TXK: variants seen among roughly 807,000 people sequenced by gnomAD.
The protein encoded by TXK is tyrosine-protein kinase TXK.
TXK carries 60 observed loss-of-function variants against 81.0 expected under a neutral mutation model. The observed-to-expected ratio is 0.74, with a 90% CI of 0.60 to 0.92. The LOEUF is 0.92. TXK is among the 40% of genes least tolerant of loss of function. The probability of loss-of-function intolerance (pLI) is 0.00; values close to 1 mark genes in which losing one functional copy is unlikely to be tolerated. For missense variants in TXK, 581 were observed against 638.3 expected (o/e 0.91, Z 0.97); for synonymous variants, 203 against 210.7 (o/e 0.96, Z 0.32).
rs1718376505 is a variant in TXK at position 48,104,531 on chromosome 4, T to TAA, written c.501+369_501+370insTT. Among the ~76,000 whole-genome samples, 18 of 8,482 alleles carry TAA rather than the reference T, an allele frequency of 2.1e-3. 6 individuals are homozygous for TAA. The highest frequency in any genetic ancestry group is 3.9e-3 in the Non-Finnish European group (14 of 3,594). The allele number at this position is 8,482 out of a possible 152,430, so 5.6% of individuals were successfully genotyped here. On this transcript the variant is annotated intron_variant, in intron 6 of 14. Coordinates refer to ENST00000264316, the MANE Select transcript of TXK (RefSeq NM_003328.3). ...TATATATAATATATAATATTATATA[T>TAA]TATATATATTTTATATATATAATAT... is the stretch of plus-strand genomic sequence containing the variant.
intron 11 of TXK, among the ~76,000 whole-genome samples, chr4:48,076,952 G>A (rs1286674382): frequency 1.3e-5 from 2 of 152,116 alleles, no homozygotes; most frequent in Non-Finnish European, 2.9e-5. Flanking sequence ...AATTCAATCT[G>A]AAAGATGATA....
At chr4:48,080,332 C>T (rs959702968) in intron 10 of TXK, among the ~76,000 whole-genome samples, 25 of 152,272 alleles carry the variant, frequency 1.6e-4, no homozygotes, top group Middle Eastern at 3.4e-3. Context: ...GTGGTAATGC[C>T]AGAGGCAGAG....
Position 48,073,949 on chromosome 4 carries a change from T to A in TXK, c.1343A>T (p.Asp448Val). 1 of 1,603,906 alleles carries A rather than the reference T, an allele frequency of 6.2e-7. No individual in the cohort carries two copies. The highest frequency in any genetic ancestry group is 8.5e-7 in the Non-Finnish European group (1 of 1,172,014). Residue 448 changes from aspartate (D) to valine (V), a missense_variant, in exon 13 of 15, where the codon GAT becomes GTT. Transcript: ENST00000264316. ...FLFNKYSSKS[D>V]VWSFGVLMWE... Reference sequence around the variant, plus strand: ...GATGCACTCACCAAATGACCAGACATCAGATTTACTGCTGTACTTATTGAA... The same window carrying A: ...GATGCACTCACCAAATGACCAGACAACAGATTTACTGCTGTACTTATTGAA...
chr4:48,128,593 T>C (rs1577683859), intron 1 of TXK, among the ~76,000 whole-genome samples: 1 of 116,484 alleles, frequency 8.6e-6, no homozygotes, highest in South Asian at 2.9e-4. Context: ...TGAGATGGAG[T>C]CTCACTCTGT....
rs76492103 is a variant in TXK at position 48,119,519 on chromosome 4, C to G, written c.17-5117G>C. Among the ~76,000 whole-genome samples, 30 of 152,254 alleles carry G rather than the reference C, an allele frequency of 2.0e-4. No individual in the cohort carries two copies. The East Asian group carries it at 4.1e-3, about 21-fold the overall frequency. ...ACCCACTGCTGTTTCATTGCTCCCC[C>G]CGATTTCTCTCTTCCTTTCTCTCTT... On this transcript the variant is annotated intron_variant, in intron 1 of 14. Transcript: ENST00000264316.
intron 1 of TXK, among the ~76,000 whole-genome samples, chr4:48,118,650 G>T (rs1718875669): frequency 6.6e-6 from 1 of 152,026 alleles, no homozygotes; most frequent in East Asian, 1.9e-4. Context: ...TATTCCTAGG[G>T]GTTTGTGCTG....
intron 5 of TXK, among the ~76,000 whole-genome samples, chr4:48,108,381 C>T (rs2661525): frequency 0.73 from 111,673 of 152,134 alleles, 41,041 homozygotes; most frequent in East Asian, 0.81. Flanking sequence ...TATTATGTAA[C>T]AGATAGAATA....
intron 1 of TXK, among the ~76,000 whole-genome samples, chr4:48,115,062 T>C (rs1718761843): frequency 6.6e-6 from 1 of 151,984 alleles, no homozygotes; most frequent in South Asian, 2.1e-4. Flanking sequence ...CTTTAAGTTC[T>C]GGGATACATG....
At chr4:48,100,982 T>C (rs943140496) in intron 6 of TXK, among the ~76,000 whole-genome samples, 3 of 151,884 alleles carry the variant, frequency 2.0e-5, no homozygotes, top group Non-Finnish European at 2.9e-5. Context: ...AACAAGAAAA[T>C]ATATTTGAAC....
chr4:48,125,853 C>A (rs1380219785), intron 1 of TXK, among the ~76,000 whole-genome samples: 1 of 152,298 alleles, frequency 6.6e-6, no homozygotes, highest in South Asian at 2.1e-4. Context: ...AGCCCAAAGG[C>A]GGTCTGCTGG....
At chr4:48,110,077 T>C (rs1428214280) in intron 5 of TXK, among the ~76,000 whole-genome samples, 1 of 152,208 alleles carries the variant, frequency 6.6e-6, no homozygotes, top group African/African-American at 2.4e-5. Context: ...GTAACAAAAA[T>C]AGATTTCAGG....
intron 8 of TXK, among the ~76,000 whole-genome samples, chr4:48,093,271 G>T (rs2109432686): frequency 6.6e-6 from 1 of 152,338 alleles, no homozygotes; most frequent in Non-Finnish European, 1.5e-5. Context: ...GGAAAAGTGA[G>T]CTCTTTCCAA....
chr4:48,072,201 A>AGG (rs1245230412), intron 13 of TXK, among the ~76,000 whole-genome samples: 1 of 152,080 alleles, frequency 6.6e-6, no homozygotes, highest in Non-Finnish European at 1.5e-5. Flanking sequence ...GCGGGGTTTC[A>AGG]CCATGTTGGC....
chr4:48,108,573 T>A (rs755807730), intron 5 of TXK, among the ~76,000 whole-genome samples: 1 of 152,188 alleles, frequency 6.6e-6, no homozygotes, highest in African/African-American at 2.4e-5. Flanking sequence ...ATTAGAACAG[T>A]GCTTGGCACA....
intron 1 of TXK, among the ~76,000 whole-genome samples, chr4:48,130,693 C>T (rs1719228482): frequency 6.6e-6 from 1 of 152,188 alleles, no homozygotes; most frequent in Non-Finnish European, 1.5e-5. Flanking sequence ...TTAGAGGCTG[C>T]CTACCACAGC....
intron 6 of TXK, among the ~76,000 whole-genome samples, chr4:48,095,547 T>C (rs1717949954): frequency 6.6e-6 from 1 of 152,154 alleles, no homozygotes. Flanking sequence ...ACCAGAATAA[T>C]AGATTAAAAA....
chr4:48,102,925 T>C (rs2109450743), intron 6 of TXK, among the ~76,000 whole-genome samples: 1 of 152,284 alleles, frequency 6.6e-6, no homozygotes, highest in South Asian at 2.1e-4. Context: ...CCTGCATATA[T>C]GATCAAAATA....
chr4:48,097,192 A>G (rs1013681577), intron 6 of TXK, among the ~76,000 whole-genome samples: 9 of 152,136 alleles, frequency 5.9e-5, no homozygotes, highest in African/African-American at 2.2e-4. Context: ...CCTAATCACT[A>G]AATAATGGTG....
At chr4:48,112,274 T>C (rs1480988709) in intron 4 of TXK, 33 bp downstream of exon 4, 7 of 1,596,358 alleles carry the variant, frequency 4.4e-6, no homozygotes, top group African/African-American at 2.7e-5. Flanking sequence ...GTTGGAAGAA[T>C]TGGATACTGA....
Sources: gnomAD v4.1 joint callset for allele counts (sites outside exome capture counted in the v4.1 genomes callset) on GRCh38, gnomAD v4.1.1 for gene constraint, MANE v1.5 for transcripts, NCBI Gene and HGNC (gene_info 2026-07-23, HGNC 2026-07-21) for gene names.